The following NAALADL2 variants were observed in gnomAD, a reference collection of about 807,000 sequenced individuals.
NAALADL2 encodes N-acetylated alpha-linked acidic dipeptidase like 2, also known as inactive N-acetylated-alpha-linked acidic dipeptidase-like protein 2.
NAALADL2 carries 76 observed loss-of-function variants against 87.2 expected under a neutral mutation model. The observed-to-expected ratio is 0.87, with a 90% CI of 0.72 to 1.05. The LOEUF is 1.05. Ranked by LOEUF, NAALADL2 falls within the 50% of genes least tolerant of loss-of-function variation. The probability of loss-of-function intolerance (pLI) is 0.00; values close to 1 mark genes in which losing one functional copy is unlikely to be tolerated. For synonymous variants in NAALADL2, 354 were observed against 331.0 expected, an observed-to-expected ratio of 1.07 and a Z score of -0.75; for missense variants, 1,089 against 945.8, an observed-to-expected ratio of 1.15 and a Z score of -1.99.
chr3:174,690,882 C>T (rs948583693), intron 2 of NAALADL2, among the ~76,000 whole-genome samples: 5 of 152,054 alleles, frequency 3.3e-5, no homozygotes, highest in African/African-American at 9.7e-5. Flanking sequence ...TGTGTGTGAA[C>T]GTATGGCATG....
At chr3:175,649,703 T>A (rs1393911367) in intron 11 of NAALADL2, among the ~76,000 whole-genome samples, 1 of 152,084 alleles carries the variant, frequency 6.6e-6, no homozygotes, top group Non-Finnish European at 1.5e-5. Flanking sequence ...TCTCATCAGA[T>A]CTTGGCCCCA....
chr3:175,564,960 A>C (rs775066292), intron 9 of NAALADL2, among the ~76,000 whole-genome samples: 5 of 152,250 alleles, frequency 3.3e-5, no homozygotes, highest in Admixed American at 2.6e-4. Context: ...AAAAGTGCCA[A>C]TGTGGCAAAG....
At chr3:175,011,319 A>AGG (rs1749794178) in intron 1 of NAALADL2, among the ~76,000 whole-genome samples, 1 of 149,730 alleles carries the variant, frequency 6.7e-6, no homozygotes, top group African/African-American at 2.5e-5. Context: ...AGAGAGAGAG[A>AGG]GACTAATTCT....
intron 2 of NAALADL2, among the ~76,000 whole-genome samples, chr3:174,607,596 C>A (rs1419219399): frequency 6.6e-6 from 1 of 151,418 alleles, no homozygotes; most frequent in East Asian, 1.9e-4. Context: ...GTAAAGGGAT[C>A]AATTCAACAA....
chr3:174,583,181 G>A (rs569148249), intron 2 of NAALADL2, among the ~76,000 whole-genome samples: 1 of 152,162 alleles, frequency 6.6e-6, no homozygotes, highest in Non-Finnish European at 1.5e-5. Context: ...CTATAATATG[G>A]TAAGTGCTGC....
chr3:175,732,303 C>T lies in NAALADL2; in HGVS notation c.1897-5003C>T, dbSNP rs1261371812. 2.0e-5 allele frequency among the ~76,000 whole-genome samples: 3 copies of T among 152,196 alleles called. No individual in the cohort carries two copies. In the East Asian group the frequency reaches 5.8e-4, roughly 29 times the overall value. On this transcript the variant is annotated intron_variant, in intron 11 of 13. Transcript: ENST00000454872. The stretch of plus-strand genomic sequence containing the variant: ...TAGGATTACGCAATAACTCAATGGA[C>T]TATAGAAACATATTTATGTACCCTT...
chr3:174,913,641 A>G (rs1299300022), intron 1 of NAALADL2, among the ~76,000 whole-genome samples: 1 of 152,106 alleles, frequency 6.6e-6, no homozygotes, highest in Non-Finnish European at 1.5e-5. Flanking sequence ...AAAAGGGATA[A>G]ATAATTATTT....
At chr3:175,324,040 A>G (rs1432228534) in intron 4 of NAALADL2, 135 bp from the exon 5 acceptor site, 3 of 536,536 alleles carry the variant, frequency 5.6e-6, no homozygotes, top group Non-Finnish European at 6.1e-6. Context: ...AAAAAAAAAA[A>G]AAAGAAAAAG....
At chr3:174,734,330 C>G (rs1174031908) in intron 2 of NAALADL2, among the ~76,000 whole-genome samples, 1 of 152,052 alleles carries the variant, frequency 6.6e-6, no homozygotes, top group Non-Finnish European at 1.5e-5. Flanking sequence ...GTGGTAATAG[C>G]ATTATTGAAC....
chr3:175,249,595 C>T (rs1748637893), intron 3 of NAALADL2, among the ~76,000 whole-genome samples: 1 of 152,048 alleles, frequency 6.6e-6, no homozygotes, highest in African/African-American at 2.4e-5. Flanking sequence ...ATAGAGTACT[C>T]TTCTGGAAAC....
At chr3:175,394,809 A>G (rs1769551414) in intron 5 of NAALADL2, among the ~76,000 whole-genome samples, 1 of 152,198 alleles carries the variant, frequency 6.6e-6, no homozygotes, top group African/African-American at 2.4e-5. Context: ...CACTAATCAT[A>G]TACTGTGACA....
intron 4 of NAALADL2, among the ~76,000 whole-genome samples, chr3:175,270,418 A>T (rs1752654115): frequency 6.6e-6 from 1 of 152,132 alleles, no homozygotes; most frequent in Non-Finnish European, 1.5e-5. Context: ...AAACTGACTG[A>T]TTTTTTATAT....
intron 9 of NAALADL2, among the ~76,000 whole-genome samples, chr3:175,491,234 T>C (rs1728047279): frequency 6.7e-6 from 1 of 150,328 alleles, no homozygotes; most frequent in Non-Finnish European, 1.5e-5. Context: ...TTTATTGTCC[T>C]ATAAATATAA....
At chr3:175,794,762 T>C (rs1309764380) in intron 13 of NAALADL2, among the ~76,000 whole-genome samples, 1 of 152,262 alleles carries the variant, frequency 6.6e-6, no homozygotes, top group African/African-American at 2.4e-5. Flanking sequence ...TCTTGGGTTA[T>C]ATCTCTTCAA....
chr3:174,873,018 C>A (rs764245368), intron 1 of NAALADL2, among the ~76,000 whole-genome samples: 1 of 152,008 alleles, frequency 6.6e-6, no homozygotes, highest in Non-Finnish European at 1.5e-5. Context: ...TAATTTTCAC[C>A]CATTTCTTCT....
chr3:175,096,456 G>T (rs921776234), intron 1 of NAALADL2, among the ~76,000 whole-genome samples: 1 of 151,292 alleles, frequency 6.6e-6, no homozygotes, highest in Admixed American at 6.6e-5. Context: ...GTACATTCAT[G>T]ACTGTTGTTA....
intron 1 of NAALADL2, among the ~76,000 whole-genome samples, chr3:175,047,637 T>A (rs1754846368): frequency 6.6e-6 from 1 of 152,160 alleles, no homozygotes; most frequent in South Asian, 2.1e-4. Flanking sequence ...CTCTAAAGTT[T>A]TAGTGTCTCA....
intron 4 of NAALADL2, among the ~76,000 whole-genome samples, chr3:175,309,462 A>G (rs1758084423): frequency 6.6e-6 from 1 of 152,192 alleles, no homozygotes; most frequent in East Asian, 1.9e-4. Flanking sequence ...CTGGGATTAC[A>G]GGCATGAGCC....
intron 1 of NAALADL2, among the ~76,000 whole-genome samples, chr3:174,511,099 A>G (rs1240015969): frequency 1.3e-5 from 2 of 152,004 alleles, no homozygotes; most frequent in African/African-American, 4.8e-5. Context: ...AGATTTTTTT[A>G]TGACCCAGAA....
Sources: allele counts gnomAD v4.1 joint callset (sites outside exome capture counted in the v4.1 genomes callset), GRCh38; gene constraint gnomAD v4.1.1; transcripts MANE v1.5; gene names NCBI Gene and HGNC (gene_info 2026-07-23, HGNC 2026-07-21).